Variants in CHORDC1 observed in about 807,000 individuals in gnomAD.
CHORDC1 encodes the protein cysteine and histidine-rich domain-containing protein 1.
Under a neutral mutation model 48.3 loss-of-function variants are expected in CHORDC1, and 25 were observed. The observed-to-expected ratio is 0.52, with a 90% CI of 0.38 to 0.72. The LOEUF (loss-of-function observed/expected upper bound fraction) is 0.72. Ranked by LOEUF, CHORDC1 falls within the 30% of genes least tolerant of loss-of-function variation. CHORDC1 has a pLI of 0.00. For missense variants in CHORDC1, 317 were observed against 388.7 expected (o/e 0.82, Z 1.55); for synonymous variants, 128 against 126.4 (o/e 1.01, Z -0.09).
intron 4 of CHORDC1, 160 bp from the exon 5 acceptor site, chr11:90,211,478 ATG>A: frequency 1.8e-6 from 1 of 551,306 alleles, no homozygotes; most frequent in Non-Finnish European, 3.2e-6. Context: ...AATTGTTACA[ATG>A]TATCTACATT....
At chr11:90,221,383 T>C (rs1052621233) in intron 1 of CHORDC1, among the ~76,000 whole-genome samples, 1 of 152,208 alleles carries the variant, frequency 6.6e-6, no homozygotes, top group African/African-American at 2.4e-5. Flanking sequence ...AATATACTTA[T>C]TGGAATTTCT....
At position 90,202,363 on chromosome 11, in the gene CHORDC1, A is replaced by C; in HGVS notation, c.*42T>G. On this transcript the variant is annotated 3_prime_UTR_variant, in exon 11 of 11. Transcript: ENST00000320585. The stretch of plus-strand genomic sequence containing the variant: ...CAAGCCACCACTTCACACAGTATTA[A>C]AAATTCGGAAATAATGTAATAGCCT... The C allele has an allele frequency of 6.3e-7, 1 of 1,591,898 alleles. No homozygotes were observed. Among genetic ancestry groups the C allele is most frequent in the Non-Finnish European group, 8.6e-7 (1 of 1,163,540 alleles).
intron 1 of CHORDC1, 115 bp downstream of exon 1, chr11:90,222,776 G>A (rs1858211832): frequency 1.0e-6 from 1 of 963,332 alleles, no homozygotes; most frequent in Non-Finnish European, 1.6e-6. Flanking sequence ...GAGGGGCATG[G>A]ACCTGGGGCC....
At chr11:90,206,018 G>A (rs1473250827) in intron 7 of CHORDC1, 184 bp downstream of exon 7, 1 of 595,092 alleles carries the variant, frequency 1.7e-6, no homozygotes, top group Non-Finnish European at 3.0e-6. Flanking sequence ...CCTTGTTTCT[G>A]TTTTCTCATG....
In CHORDC1 at chr11:90,201,245, T is replaced by G. The variant is rs1242321416; in HGVS notation, c.*1160A>C. ...TAATTTTAAATCTACATAAGTTTAA[T>G]TTATTCCCAAACTTTCTAAGTTCTT... is the stretch of plus-strand genomic sequence containing the variant. On this transcript the variant is annotated 3_prime_UTR_variant, in exon 11 of 11. Coordinates refer to ENST00000320585, the MANE Select transcript of CHORDC1 (RefSeq NM_012124.3). 2.0e-5 allele frequency: 3 copies of G among 152,000 alleles called. No homozygotes were observed. Among genetic ancestry groups the G allele is most frequent in the African/African-American group, 7.2e-5 (3 of 41,448 alleles). 9.4% of individuals were successfully genotyped at this position (152,000 alleles called of 1,614,324 possible). A position where few individuals can be genotyped will look rare whatever the true frequency, so the allele number is the denominator to read the frequency against.
chr11:90,202,676 T>C, intron 10 of CHORDC1, 125 bp from the exon 11 acceptor site: 3 of 1,384,296 alleles, frequency 2.2e-6, no homozygotes, highest in Non-Finnish European at 2.9e-6. Flanking sequence ...TTATATCTAG[T>C]CTTAAACTTT....
At chr11:90,205,621 A>C in intron 7 of CHORDC1, 56 bp from the exon 8 acceptor site, 2 of 1,104,240 alleles carry the variant, frequency 1.8e-6, no homozygotes, top group Non-Finnish European at 2.7e-6. Context: ...AATTAAATCC[A>C]CAAGTATTTT....
At chr11:90,202,630 C>T in intron 10 of CHORDC1, 79 bp from the exon 11 acceptor site, 1 of 1,495,602 alleles carries the variant, frequency 6.7e-7, no homozygotes, top group Non-Finnish European at 9.1e-7. Context: ...CTTGCTTATG[C>T]CAATAATCCC....
In CHORDC1 at chr11:90,201,158, A is replaced by G. The variant is rs1164434765; in HGVS notation, c.*1247T>C. The G allele has an allele frequency of 6.6e-6, 1 of 151,988 alleles. No homozygotes were observed. The highest frequency in any genetic ancestry group is 1.5e-5 in the Non-Finnish European group (1 of 67,868). The allele number at this position is 151,988 out of a possible 1,614,324, so 9.4% of individuals were successfully genotyped here. ...AGTACTTCTGCAAATTTTTCTTTGT[A>G]AGAATTCCATAAATACCAAGGAAAA... On this transcript the variant is annotated 3_prime_UTR_variant, in exon 11 of 11. Coordinates refer to ENST00000320585, the MANE Select transcript of CHORDC1 (RefSeq NM_012124.3).
chr11:90,213,172 T>C (rs1857915753), intron 4 of CHORDC1: 1 of 402,170 alleles, frequency 2.5e-6, no homozygotes, highest in South Asian at 5.9e-5. Context: ...GTACTCAGAG[T>C]GCTAATGAAC....
chr11:90,220,362 G>T (rs1176586451), intron 1 of CHORDC1, among the ~76,000 whole-genome samples: 1 of 152,178 alleles, frequency 6.6e-6, no homozygotes, highest in Non-Finnish European at 1.5e-5. Flanking sequence ...GGATCAGAAA[G>T]ATGTTATTAA....
chr11:90,217,658 G>T (rs1229043276), intron 2 of CHORDC1: 3 of 152,250 alleles, frequency 2.0e-5, no homozygotes, highest in Non-Finnish European at 2.9e-5. Context: ...CCAGCACTTT[G>T]GGAGGCTGAG....
chr11:90,206,941 A>G (rs1309463346), intron 6 of CHORDC1: 2 of 392,914 alleles, frequency 5.1e-6, no homozygotes, highest in South Asian at 2.0e-5. Context: ...TTATAAATCC[A>G]AAGTACAGTA....
intron 3 of CHORDC1, among the ~76,000 whole-genome samples, chr11:90,214,928 T>G (rs1435965169): frequency 2.6e-5 from 4 of 152,048 alleles, no homozygotes; most frequent in African/African-American, 9.7e-5. Flanking sequence ...TGATGTTCTT[T>G]CAACATAACA....
chr11:90,204,277 A>G (rs558221425), intron 8 of CHORDC1, among the ~76,000 whole-genome samples: 1 of 152,340 alleles, frequency 6.6e-6, no homozygotes, highest in East Asian at 1.9e-4. Context: ...ATAATGGAAA[A>G]CAACATTTTA....
chr11:90,218,214 A>C, intron 1 of CHORDC1, 30 bp from the exon 2 acceptor site: 1 of 1,504,646 alleles, frequency 6.6e-7, no homozygotes, highest in Non-Finnish European at 9.0e-7. Flanking sequence ...AAAAAAAAGT[A>C]CCACTCTTTA....
intron 4 of CHORDC1, chr11:90,212,248 CT>C: frequency 6.6e-6 from 1 of 151,558 alleles, no homozygotes; most frequent in Non-Finnish European, 1.5e-5. Context: ...ATGGGGATGC[CT>C]TTTTCCCATG....
Position 90,203,426 on chromosome 11 carries a change from C to T in CHORDC1, c.671G>A (p.Gly224Glu). ...GKHMWTKKDA[G>E]KKVVPCRHDW... ...ATGTCTACATGGAACAACTTTTTTC[C>T]CCTGTAATGTAAGAGAAACTCTGTA... Residue 224 changes from glycine (G) to glutamate (E), a missense_variant and splice_region_variant, in exon 9 of 11, where the codon GGG becomes GAG. Physicochemically the swap from Gly to Glu is moderately conservative, Grantham distance 98. Coordinates refer to ENST00000320585, the MANE Select transcript of CHORDC1 (RefSeq NM_012124.3). The T allele has an allele frequency of 6.5e-7, 1 of 1,543,292 alleles. No homozygotes were observed. Among genetic ancestry groups the T allele is most frequent in the African/African-American group, 1.3e-5 (1 of 74,284 alleles).
chr11:90,200,933 G>T lies in CHORDC1; in HGVS notation c.*1472C>A, dbSNP rs1166891547. Among the ~76,000 whole-genome samples, 6 of 151,924 alleles carry T rather than the reference G, an allele frequency of 3.9e-5. No homozygotes were observed. The highest frequency in any genetic ancestry group is 6.6e-5 in the Admixed American group (1 of 15,234). Reference sequence around the variant, plus strand: ...ATTTTAAATACATCTCCAGGTATCAGATGCTTATGTACTCCATGTGGGTCC... The same window carrying T: ...ATTTTAAATACATCTCCAGGTATCATATGCTTATGTACTCCATGTGGGTCC... On this transcript the variant is annotated 3_prime_UTR_variant, in exon 11 of 11. Transcript: ENST00000320585.
Sources: gnomAD v4.1 joint callset for allele counts (sites outside exome capture counted in the v4.1 genomes callset) on GRCh38, gnomAD v4.1.1 for gene constraint, MANE v1.5 for transcripts, NCBI Gene and HGNC (gene_info 2026-07-23, HGNC 2026-07-21) for gene names.